CDON: variants seen among roughly 807,000 people sequenced by gnomAD.
The protein encoded by CDON is cell adhesion associated, oncogene regulated.
In CDON, 73 loss-of-function variants were observed where a neutral mutation model predicts 120.9. That is an observed-to-expected ratio of 0.60 (90% CI 0.50 to 0.73). The LOEUF (loss-of-function observed/expected upper bound fraction) is 0.73, where lower values mean the gene tolerates loss of function less well. Ranked by LOEUF, CDON falls within the 30% of genes least tolerant of loss-of-function variation. The pLI is 0.00. For synonymous variants in CDON, 566 were observed against 573.5 expected, an observed-to-expected ratio of 0.99 and a Z score of 0.19; for missense variants, 1,470 against 1,587.3, an observed-to-expected ratio of 0.93 and a Z score of 1.26.
chr11:126,046,845 G>A (rs1215735005), intron 1 of CDON, among the ~76,000 whole-genome samples: 2 of 152,128 alleles, frequency 1.3e-5, no homozygotes, highest in African/African-American at 2.4e-5. Context: ...TTCTTTCTGT[G>A]AGGCACCTTG....
intron 15 of CDON, among the ~76,000 whole-genome samples, chr11:125,987,038 A>G (rs1946487487): frequency 6.6e-6 from 1 of 152,224 alleles, no homozygotes. Context: ...CTGAGGCACA[A>G]TGGATATTCC....
intron 15 of CDON, 113 bp from the exon 16 acceptor site, chr11:125,984,206 T>C (rs1946396648): frequency 2.6e-6 from 2 of 765,302 alleles, no homozygotes; most frequent in Non-Finnish European, 4.5e-6. Context: ...TTTACTCTTG[T>C]TACTGAGATG....
In CDON at chr11:126,011,344, G is replaced by A. The variant is rs886576287; in HGVS notation, c.1199-650C>T. Among the ~76,000 whole-genome samples the A allele has an allele frequency of 4.0e-4, 61 of 152,176 alleles. 1 individual carries two copies. Among genetic ancestry groups the A allele is most frequent in the African/African-American group, 1.4e-3 (57 of 41,436 alleles). ...AAGTAAATGACATTTTCTCTAGCATGTCTGTCTTTTTCTCCAGTCCTCCTT... is the reference window on the plus strand; with the variant it reads ...AAGTAAATGACATTTTCTCTAGCATATCTGTCTTTTTCTCCAGTCCTCCTT... On this transcript the variant is annotated intron_variant, in intron 7 of 19. Coordinates refer to ENST00000531738, the MANE Select transcript of CDON (RefSeq NM_001378964.1).
Position 125,979,691 on chromosome 11 carries a change from T to C in CDON, c.3277-1308A>G, listed in dbSNP as rs192410386. Among the ~76,000 whole-genome samples the C allele has an allele frequency of 2.6e-5, 4 of 152,370 alleles. No homozygotes were observed. In the East Asian group the frequency reaches 7.7e-4, roughly 29 times the overall value. On this transcript the variant is annotated intron_variant, in intron 17 of 19. Transcript: ENST00000531738. ...AACACTAAAGCGAACATGGGCCTTA[T>C]GTTTTCTTCTTATGGAAACAGTGTG...
At chr11:125,990,862 G>A (rs1013293506) in intron 14 of CDON, among the ~76,000 whole-genome samples, 60 of 152,184 alleles carry the variant, frequency 3.9e-4, no homozygotes, top group African/African-American at 1.3e-3. Context: ...TTTTAGGATC[G>A]TCTCTGAAAG....
At chr11:126,031,677 C>G (rs1352752399) in intron 1 of CDON, among the ~76,000 whole-genome samples, 16 of 152,184 alleles carry the variant, frequency 1.1e-4, no homozygotes, top group Admixed American at 1.0e-3. Flanking sequence ...TGCACCATTT[C>G]CGCGAGTTGT....
At chr11:125,998,672 C>T (rs1454685954) in intron 11 of CDON, among the ~76,000 whole-genome samples, 14 of 152,216 alleles carry the variant, frequency 9.2e-5, no homozygotes, top group Admixed American at 9.2e-4. Flanking sequence ...TGGCTTCCCA[C>T]TTGGTTCCTA....
At chr11:126,047,372 C>T (rs577615739) in intron 1 of CDON, among the ~76,000 whole-genome samples, 1 of 152,288 alleles carries the variant, frequency 6.6e-6, no homozygotes, top group South Asian at 2.1e-4. Flanking sequence ...TGCTCTCTTT[C>T]CCAGGAGCCA....
chr11:126,021,231 G>T lies in CDON; in HGVS notation c.349+17C>A. ...TTCAAGAAAACCCATACCTAACAGGGACAAAATTAAACTCACCTGCCACAG... is the reference window on the plus strand; with the variant it reads ...TTCAAGAAAACCCATACCTAACAGGTACAAAATTAAACTCACCTGCCACAG... On this transcript the variant is annotated intron_variant, in intron 3 of 19. Coordinates refer to ENST00000531738, the MANE Select transcript of CDON (RefSeq NM_001378964.1). 1.2e-6 allele frequency: 2 copies of T among 1,613,014 alleles called. No individual in the cohort carries two copies. Among genetic ancestry groups the T allele is most frequent in the South Asian group, 2.2e-5 (2 of 90,844 alleles).
intron 16 of CDON, 91 bp from the exon 17 acceptor site, chr11:125,981,420 ACG>A: frequency 1.0e-6 from 1 of 956,590 alleles, no homozygotes; most frequent in Non-Finnish European, 1.5e-6. Flanking sequence ...ACATGCACAT[ACG>A]CACACACGCA....
At chr11:125,962,269 G>A (rs1945666948) in intron 18 of CDON, among the ~76,000 whole-genome samples, 2 of 152,168 alleles carry the variant, frequency 1.3e-5, no homozygotes, top group Admixed American at 6.5e-5. Flanking sequence ...CTTTGTCTTA[G>A]TCCACTGTCA....
intron 15 of CDON, 78 bp downstream of exon 15, chr11:125,989,559 G>A: frequency 7.2e-7 from 1 of 1,382,988 alleles, no homozygotes; most frequent in African/African-American, 1.4e-5. Context: ...ACAAAACCCA[G>A]AATATATCAG....
chr11:125,981,160 A>C lies in CDON; in HGVS notation c.3165T>G (p.Asn1055Lys), dbSNP rs564214. 3 of 1,613,862 alleles carry C rather than the reference A, an allele frequency of 1.9e-6. No homozygotes were observed. Among genetic ancestry groups the C allele is most frequent in the Non-Finnish European group, 2.5e-6 (3 of 1,179,946 alleles). The change falls in exon 17 of 20, where the codon AAT (asparagine) becomes AAG (lysine). Residue 1055 changes from asparagine to lysine, a missense_variant. Physicochemically the swap from Asn to Lys is moderately conservative, Grantham distance 94. Coordinates refer to ENST00000531738, the MANE Select transcript of CDON (RefSeq NM_001378964.1). ...GYSHLHHKVPNAVNGIVNGSL... is the reference protein window; with the variant it reads ...GYSHLHHKVPKAVNGIVNGSL... ...TCCCATTCACAATTCCATTGACTGCATTGGGGACCTTATGGTGAAGGTGGG... is the reference window on the plus strand; with the variant it reads ...TCCCATTCACAATTCCATTGACTGCCTTGGGGACCTTATGGTGAAGGTGGG...
At chr11:125,983,728 G>C in intron 16 of CDON, 144 bp downstream of exon 16, 1 of 717,464 alleles carries the variant, frequency 1.4e-6, no homozygotes, top group South Asian at 1.7e-5. Flanking sequence ...CAGTTTTAAA[G>C]TCATCTCCTC....
At chr11:126,036,501 T>C (rs1160632494) in intron 1 of CDON, among the ~76,000 whole-genome samples, 1 of 152,096 alleles carries the variant, frequency 6.6e-6, no homozygotes, top group African/African-American at 2.4e-5. Context: ...TTCTTAAGGC[T>C]TTTGTATTAT....
At chr11:126,003,863 G>A in intron 10 of CDON, 39 bp downstream of exon 10, 3 of 1,574,460 alleles carry the variant, frequency 1.9e-6, no homozygotes, top group Non-Finnish European at 2.6e-6. Context: ...TTGACATCAG[G>A]GCAGCCAGCT....
At chr11:126,041,032 T>C (rs1948247893) in intron 1 of CDON, among the ~76,000 whole-genome samples, 1 of 148,400 alleles carries the variant, frequency 6.7e-6, no homozygotes, top group Non-Finnish European at 1.5e-5. Context: ...CCACTAAAAA[T>C]ACAAAAATTA....
chr11:126,033,009 C>G (rs1362838347), intron 1 of CDON, among the ~76,000 whole-genome samples: 1 of 152,144 alleles, frequency 6.6e-6, no homozygotes, highest in Non-Finnish European at 1.5e-5. Context: ...GCCCTGTGAT[C>G]AACAGGACTT....
chr11:125,977,211 C>A (rs1021343005), intron 18 of CDON, among the ~76,000 whole-genome samples: 1 of 152,150 alleles, frequency 6.6e-6, no homozygotes, highest in African/African-American at 2.4e-5. Flanking sequence ...AACAAGCAAA[C>A]CTTAGTACAT....
Sources: gnomAD v4.1 joint callset for allele counts (sites outside exome capture counted in the v4.1 genomes callset) on GRCh38, gnomAD v4.1.1 for gene constraint, MANE v1.5 for transcripts, NCBI Gene and HGNC (gene_info 2026-07-23, HGNC 2026-07-21) for gene names.